The following RARB variants were observed in gnomAD, a reference collection of about 807,000 sequenced individuals.
RARB encodes the protein retinoic acid receptor beta, also known as HBV-activated protein.
Under a neutral mutation model 51.9 loss-of-function variants are expected in RARB, and 17 were observed. The ratio of observed to expected loss-of-function variants is 0.33; its 90% confidence interval spans 0.22 to 0.49. The LOEUF (loss-of-function observed/expected upper bound fraction) is 0.49. RARB is among the 20% of genes least tolerant of loss of function. The probability of loss-of-function intolerance (pLI) is 0.99; values close to 1 mark genes in which losing one functional copy is unlikely to be tolerated. For synonymous variants in RARB, 215 were observed against 195.4 expected (o/e 1.10, Z -0.84); for missense variants, 369 against 550.8 (o/e 0.67, Z 3.30).
At chr3:25,059,643 T>TATG (rs1160439294) in intron 2 of RARB, among the ~76,000 whole-genome samples, 1 of 151,766 alleles carries the variant, frequency 6.6e-6, no homozygotes, top group Admixed American at 6.6e-5. Flanking sequence ...GCTTCTAGGA[T>TATG]ATGAGCATTG....
At chr3:25,401,816 G>A (rs34042056) in intron 5 of RARB, among the ~76,000 whole-genome samples, 26,938 of 151,984 alleles carry the variant, frequency 0.18, 2,758 homozygotes, top group Admixed American at 0.31. Context: ...TCCCTCCGTC[G>A]CCCAGGCTAG....
intron 5 of RARB, among the ~76,000 whole-genome samples, chr3:25,333,959 A>G (rs1033747434): frequency 1.3e-4 from 20 of 152,342 alleles, no homozygotes; most frequent in Admixed American, 5.2e-4. Flanking sequence ...AGAGAAATGC[A>G]GATCAAAACC....
intron 5 of RARB, among the ~76,000 whole-genome samples, chr3:25,392,067 A>G (rs1410693062): frequency 6.6e-6 from 1 of 152,150 alleles, no homozygotes; most frequent in Non-Finnish European, 1.5e-5. Context: ...TGATTTTTGT[A>G]TGAAGTGAGA....
At chr3:25,457,872 C>T (rs1303096362) in intron 1 of RARB, among the ~76,000 whole-genome samples, 3 of 152,172 alleles carry the variant, frequency 2.0e-5, no homozygotes, top group Non-Finnish European at 2.9e-5. Flanking sequence ...CCTTAAAACA[C>T]ACCGCTCCCC....
At chr3:25,225,285 T>C (rs1246197960) in intron 5 of RARB, among the ~76,000 whole-genome samples, 5 of 145,800 alleles carry the variant, frequency 3.4e-5, no homozygotes, top group Non-Finnish European at 6.1e-5. Context: ...CAAGAAGAGG[T>C]GACTTGTGAG....
intron 3 of RARB, among the ~76,000 whole-genome samples, chr3:25,556,120 G>A (rs1225805670): frequency 6.6e-6 from 1 of 152,052 alleles, no homozygotes. Flanking sequence ...TGGTGGAGAT[G>A]GCTTTCTTTC....
chr3:25,194,663 G>A (rs13100362), intron 5 of RARB, among the ~76,000 whole-genome samples: 14,732 of 150,300 alleles, frequency 0.098, 953 homozygotes, highest in South Asian at 0.26. Context: ...TTTAATTTAA[G>A]TCTCCAATTC....
chr3:25,042,771 T>A (rs549214517), intron 2 of RARB, among the ~76,000 whole-genome samples: 83 of 152,348 alleles, frequency 5.4e-4, no homozygotes, highest in Admixed American at 9.8e-4. Flanking sequence ...GTTCCTATTA[T>A]CTGTGATAAG....
intron 5 of RARB, among the ~76,000 whole-genome samples, chr3:25,390,031 C>T (rs1203610613): frequency 1.3e-5 from 2 of 152,026 alleles, no homozygotes; most frequent in East Asian, 1.9e-4. Context: ...TTTGAAGGGG[C>T]TGAGGTTATT....
chr3:24,931,681 T>C (rs1262433723), intron 2 of RARB, among the ~76,000 whole-genome samples: 1 of 152,130 alleles, frequency 6.6e-6, no homozygotes, highest in Non-Finnish European at 1.5e-5. Flanking sequence ...ACAACGTGTC[T>C]TTGCAAGCAC....
chr3:24,913,659 C>G (rs893028850), intron 2 of RARB, among the ~76,000 whole-genome samples: 2 of 152,096 alleles, frequency 1.3e-5, no homozygotes, highest in African/African-American at 2.4e-5. Context: ...AAAGTTACAT[C>G]TTAATGTGAA....
intron 2 of RARB, among the ~76,000 whole-genome samples, chr3:25,005,418 C>T (rs143840926): frequency 6.6e-6 from 1 of 152,266 alleles, no homozygotes; most frequent in East Asian, 1.9e-4. Flanking sequence ...GCTTACCTGG[C>T]ACTGGAGGAT....
intron 5 of RARB, among the ~76,000 whole-genome samples, chr3:25,342,921 G>T (rs927474834): frequency 3.9e-5 from 6 of 152,050 alleles, no homozygotes; most frequent in African/African-American, 1.4e-4. Context: ...TTTGTGGTGA[G>T]TATCAGAAAA....
chr3:24,862,770 T>C (rs577199038), intron 2 of RARB, among the ~76,000 whole-genome samples: 7 of 152,214 alleles, frequency 4.6e-5, no homozygotes, highest in African/African-American at 1.7e-4. Flanking sequence ...AATTAAGATA[T>C]CATCTTTATA....
intron 3 of RARB, among the ~76,000 whole-genome samples, chr3:25,558,252 A>G (rs1700135872): frequency 6.6e-6 from 1 of 152,060 alleles, no homozygotes; most frequent in African/African-American, 2.4e-5. Context: ...CCCCACCCCC[A>G]AGTCTGGCTT....
intron 2 of RARB, among the ~76,000 whole-genome samples, chr3:25,003,553 CA>C (rs150938404): frequency 0.016 from 2,410 of 152,174 alleles, 47 homozygotes; most frequent in East Asian, 0.054. Flanking sequence ...TTAATAGGTA[CA>C]ACTACTGGCC....
At chr3:25,314,577 A>T (rs563542375) in intron 5 of RARB, among the ~76,000 whole-genome samples, 6 of 152,326 alleles carry the variant, frequency 3.9e-5, no homozygotes, top group African/African-American at 1.4e-4. Context: ...ATGTGTGTGG[A>T]TTACTACAGT....
chr3:25,456,674 T>TAGAG (rs1314494460), intron 1 of RARB, among the ~76,000 whole-genome samples: 2 of 113,192 alleles, frequency 1.8e-5, no homozygotes, highest in African/African-American at 6.9e-5. Flanking sequence ...TATATATATA[T>TAGAG]ATATATATAG....
intron 5 of RARB, among the ~76,000 whole-genome samples, chr3:25,335,108 C>T (rs945038937): frequency 5.3e-5 from 8 of 152,260 alleles, no homozygotes; most frequent in Admixed American, 2.6e-4. Flanking sequence ...CTTCTCTCTG[C>T]CTCTGTTTCC....
Sources: gnomAD v4.1 joint callset for allele counts (sites outside exome capture counted in the v4.1 genomes callset) on GRCh38, gnomAD v4.1.1 for gene constraint, MANE v1.5 for transcripts, NCBI Gene and HGNC (gene_info 2026-07-23, HGNC 2026-07-21) for gene names.